Variants in DAAM1 observed in about 807,000 individuals in gnomAD.
DAAM1 encodes disheveled-associated activator of morphogenesis 1.
Under a neutral mutation model 130.0 loss-of-function variants are expected in DAAM1, and 52 were observed. The observed-to-expected ratio is 0.40, with a 90% CI of 0.32 to 0.50. DAAM1 has a LOEUF of 0.50. Ranked by LOEUF, DAAM1 falls within the 20% of genes least tolerant of loss-of-function variation. The pLI is 0.61. For synonymous variants in DAAM1, 452 were observed against 444.5 expected, an observed-to-expected ratio of 1.02 and a Z score of -0.21; for missense variants, 1,134 against 1,303.8, an observed-to-expected ratio of 0.87 and a Z score of 2.01.
rs747136110 is a variant in DAAM1 at position 59,263,616 on chromosome 14, A to G, written c.139A>G (p.Met47Val). ...TCAGACCATGGAACCAGCATTGCCC[A>G]TGCCCCCTGTGGAGGAGCTGGATGT... ...ALQTMEPALP[M>V]PPVEELDVMF... The change falls in exon 2 of 25, where the codon ATG becomes GTG. Residue 47 changes from methionine to valine, a missense_variant. Physicochemically the swap from Met to Val is conservative, Grantham distance 21 (BLOSUM62 1). Coordinates refer to ENST00000360909, the MANE Select transcript of DAAM1 (RefSeq NM_001270520.2). 1 of 1,614,184 alleles carries G rather than the reference A, an allele frequency of 6.2e-7. No individual in the cohort carries two copies. The highest frequency in any genetic ancestry group is 8.5e-7 in the Non-Finnish European group (1 of 1,180,026).
chr14:59,211,015 A>G lies in DAAM1; in HGVS notation c.-38+22247A>G, dbSNP rs1222501031. Among the ~76,000 whole-genome samples the G allele has an allele frequency of 3.3e-5, 5 of 152,372 alleles. No individual in the cohort carries two copies. The South Asian group carries it at 6.2e-4, about 19-fold the overall frequency. ...ATTGCCTGTACAGCACCTAAATTTT[A>G]CAAAATGCTGTACTTACGGTCCAAT... On this transcript the variant is annotated intron_variant, in intron 1 of 24. Coordinates refer to ENST00000360909, the MANE Select transcript of DAAM1 (RefSeq NM_001270520.2).
At chr14:59,239,766 G>A (rs1052237170) in intron 1 of DAAM1, among the ~76,000 whole-genome samples, 3 of 152,212 alleles carry the variant, frequency 2.0e-5, no homozygotes, top group African/African-American at 4.8e-5. Context: ...ATGACAGGGC[G>A]GGGGCCAGGA....
chr14:59,367,533 A>C lies in DAAM1; in HGVS notation c.2931A>C (p.Lys977Asn), dbSNP rs770449951. The change falls in exon 24 of 25, where the codon AAA becomes AAC. Residue 977 changes from lysine (K) to asparagine (N), a missense_variant. By Grantham distance (94) the Lys-to-Asn change is moderately conservative (BLOSUM62 0). Around this residue, in one of 3 missense-constraint regions of DAAM1, gnomAD observed 644 missense variants for 695.9 expected, o/e 0.93. Transcript: ENST00000360909. ...DQFLQAVSEA[K>N]QENENMRKKK... ...TTCTTCAAGCTGTGTCAGAAGCCAAACAAGAAAACGAAAATATGAGAAAGA... is the reference window on the plus strand; with the variant it reads ...TTCTTCAAGCTGTGTCAGAAGCCAACCAAGAAAACGAAAATATGAGAAAGA... The C allele has an allele frequency of 1.9e-6, 3 of 1,614,080 alleles. No individual in the cohort carries two copies. The highest frequency in any genetic ancestry group is 2.5e-6 in the Non-Finnish European group (3 of 1,179,964).
At chr14:59,361,143 A>G (rs533773795) in intron 22 of DAAM1, among the ~76,000 whole-genome samples, 2 of 152,290 alleles carry the variant, frequency 1.3e-5, no homozygotes, top group East Asian at 3.9e-4. Context: ...CATCAGGATG[A>G]GTGGGCTGGG....
In DAAM1 at chr14:59,295,149, T is replaced by C. The variant is rs372834421; in HGVS notation, c.273+3843T>C. Among the ~76,000 whole-genome samples, 11 of 152,206 alleles carry C rather than the reference T, an allele frequency of 7.2e-5. 1 individual carries two copies. Among genetic ancestry groups the C allele is most frequent in the Admixed American group, 7.2e-4 (11 of 15,288 alleles). On this transcript the variant is annotated intron_variant, in intron 3 of 24. Coordinates refer to ENST00000360909, the MANE Select transcript of DAAM1 (RefSeq NM_001270520.2). Reference sequence around the variant, plus strand: ...GAGGCAAAGATCAGGATTTGATGATTGTGCCTAATTTTTCCTGCTTAGTTT... The same window carrying C: ...GAGGCAAAGATCAGGATTTGATGATCGTGCCTAATTTTTCCTGCTTAGTTT...
chr14:59,311,734 T>G (rs1439084342), intron 3 of DAAM1, among the ~76,000 whole-genome samples: 2 of 152,200 alleles, frequency 1.3e-5, no homozygotes, highest in African/African-American at 4.8e-5. Context: ...TTTTCTTTAT[T>G]GTTTGTGAGA....
rs1018804753 is a variant in DAAM1 at position 59,288,860 on chromosome 14, A to AGAGAGC, written c.184-2356_184-2355insAGAGCG. Among the ~76,000 whole-genome samples the AGAGAGC allele has an allele frequency of 7.0e-4, 101 of 144,114 alleles. No homozygotes were observed. The South Asian group carries it at 7.1e-3, about 10-fold the overall frequency. The allele number at this position is 144,114 out of a possible 152,430, so 94.5% of individuals were successfully genotyped here. A position where few individuals can be genotyped will look rare whatever the true frequency, so the allele number is the denominator to read the frequency against. On this transcript the variant is annotated intron_variant, in intron 2 of 24. Coordinates refer to ENST00000360909, the MANE Select transcript of DAAM1 (RefSeq NM_001270520.2). ...GAGAGAGAGAGAGAGAGAGAGAGAG[A>AGAGAGC]GCGCGCGAAGGGGGCAGTACCACAC... is the stretch of plus-strand genomic sequence containing the variant.
intron 3 of DAAM1, among the ~76,000 whole-genome samples, chr14:59,303,694 C>G (rs938737641): frequency 2.0e-5 from 3 of 151,934 alleles, no homozygotes; most frequent in Non-Finnish European, 4.4e-5. Flanking sequence ...GTCAGGAGTT[C>G]GAAACCAGCC....
Position 59,324,142 on chromosome 14 carries a change from C to A in DAAM1, c.789C>A (p.Asp263Glu). ...ATTTTTGATAGACATTAATTAACGACTTGGATAAAAGCACTGGGCGGTATC... is the reference window on the plus strand; with the variant it reads ...ATTTTTGATAGACATTAATTAACGAATTGGATAAAAGCACTGGGCGGTATC... ...ERTRFQTLIN[D>E]LDKSTGRYRD... The change falls in exon 7 of 25, where the codon GAC becomes GAA. Residue 263 changes from aspartate to glutamate, a missense_variant. Around this residue, in one of 3 missense-constraint regions of DAAM1, gnomAD observed 391 missense variants for 521.6 expected, o/e 0.75. Coordinates refer to ENST00000360909, the MANE Select transcript of DAAM1 (RefSeq NM_001270520.2). 7.1e-7 allele frequency: 1 copy of A among 1,404,882 alleles called. No homozygotes were observed. The allele number at this position is 1,404,882 out of a possible 1,614,324, so 87.0% of individuals were successfully genotyped here.
At chr14:59,357,398 T>A in intron 20 of DAAM1, 1 of 152,156 alleles carries the variant, frequency 6.6e-6, no homozygotes, top group East Asian at 1.9e-4. Flanking sequence ...CTCTTTCTTG[T>A]GATGGTGGCT....
intron 2 of DAAM1, among the ~76,000 whole-genome samples, chr14:59,269,574 G>A (rs2139518812): frequency 6.6e-6 from 1 of 152,300 alleles, no homozygotes; most frequent in East Asian, 1.9e-4. Context: ...AAAATGAAGG[G>A]CATTTTGATT....
At chr14:59,237,911 C>T (rs1889351117) in intron 1 of DAAM1, among the ~76,000 whole-genome samples, 1 of 152,140 alleles carries the variant, frequency 6.6e-6, no homozygotes, top group East Asian at 1.9e-4. Context: ...TAGAATGGCT[C>T]TTGGGGATAT....
chr14:59,269,526 C>T (rs999971297), intron 2 of DAAM1, among the ~76,000 whole-genome samples: 5 of 152,258 alleles, frequency 3.3e-5, no homozygotes, highest in African/African-American at 1.2e-4. Flanking sequence ...ACTTATCTGC[C>T]GATGAAAGTT....
intron 1 of DAAM1, among the ~76,000 whole-genome samples, chr14:59,244,829 G>A (rs1239307743): frequency 6.6e-6 from 1 of 152,194 alleles, no homozygotes; most frequent in East Asian, 1.9e-4. Context: ...TTCCACAAAG[G>A]GACTGGCTTT....
intron 1 of DAAM1, among the ~76,000 whole-genome samples, chr14:59,232,696 A>C (rs1366488289): frequency 6.7e-6 from 1 of 149,984 alleles, no homozygotes; most frequent in Admixed American, 6.7e-5. Context: ...TTACATAGGT[A>C]TACATGTGCC....
intron 2 of DAAM1, among the ~76,000 whole-genome samples, chr14:59,278,692 A>G (rs1883079232): frequency 6.6e-6 from 1 of 152,160 alleles, no homozygotes; most frequent in Non-Finnish European, 1.5e-5. Flanking sequence ...CTTGGGGAAA[A>G]CATTGCCTGT....
intron 1 of DAAM1, among the ~76,000 whole-genome samples, chr14:59,249,092 C>G (rs1052981096): frequency 6.6e-6 from 1 of 152,148 alleles, no homozygotes; most frequent in African/African-American, 2.4e-5. Context: ...TGGCCCATCC[C>G]TCAGTTTTGT....
At chr14:59,207,261 A>C (rs1888288167) in intron 1 of DAAM1, among the ~76,000 whole-genome samples, 1 of 152,216 alleles carries the variant, frequency 6.6e-6, no homozygotes, top group Admixed American at 6.5e-5. Context: ...TAGGCATGTA[A>C]GGCAATTATA....
intron 3 of DAAM1, among the ~76,000 whole-genome samples, chr14:59,297,815 G>A (rs1466559139): frequency 6.6e-6 from 1 of 152,074 alleles, no homozygotes; most frequent in Admixed American, 6.5e-5. Context: ...TTTATCATAG[G>A]TATGTATGTA....
Sources: gnomAD v4.1 joint callset for allele counts (sites outside exome capture counted in the v4.1 genomes callset) on GRCh38, gnomAD v4.1.1 for gene constraint, gnomAD v4.1.1 regional missense constraint, MANE v1.5 for transcripts, NCBI Gene and HGNC (gene_info 2026-07-23, HGNC 2026-07-21) for gene names.